The following TBL1XR1 variants were observed in gnomAD, a reference collection of about 807,000 sequenced individuals.
TBL1XR1 encodes F-box-like/WD repeat-containing protein TBL1XR1.
A neutral mutation model predicts 66.9 loss-of-function variants in TBL1XR1; 5 were observed. The ratio of observed to expected loss-of-function variants is 0.07; its 90% CI spans 0.04 to 0.16. The LOEUF is 0.16. Among genes scored for constraint, TBL1XR1 ranks in the 10% least tolerant of loss-of-function variants. The pLI is 1.00. For missense variants in TBL1XR1, 238 were observed against 623.2 expected (o/e 0.38, Z 6.58); for synonymous variants, 210 against 206.0 (o/e 1.02, Z -0.17).
chr3:177,192,676 T>C (rs1459637736), intron 1 of TBL1XR1, among the ~76,000 whole-genome samples: 6 of 152,118 alleles, frequency 3.9e-5, no homozygotes, highest in Admixed American at 2.0e-4. Context: ...CCTACTAAAA[T>C]AAATAACAAG....
chr3:177,195,336 A>G (rs1736692818), intron 1 of TBL1XR1, among the ~76,000 whole-genome samples: 3 of 151,598 alleles, frequency 2.0e-5, no homozygotes, highest in Admixed American at 2.0e-4. Context: ...TATTTCTAGA[A>G]CTCTCAACTA....
At chr3:177,051,200 G>A (rs982356781) in intron 5 of TBL1XR1, among the ~76,000 whole-genome samples, 6 of 152,062 alleles carry the variant, frequency 3.9e-5, no homozygotes, top group African/African-American at 9.7e-5. Flanking sequence ...ACAAGTTGGT[G>A]CAAGTTAACA....
At chr3:177,025,549 CA>C (rs1266869511) in intron 15 of TBL1XR1, 25 bp from the exon 16 acceptor site, 1 of 1,606,792 alleles carries the variant, frequency 6.2e-7, no homozygotes, top group South Asian at 1.1e-5. Flanking sequence ...AATAATCAAC[CA>C]GTGTATTCAG....
intron 1 of TBL1XR1, among the ~76,000 whole-genome samples, chr3:177,181,822 GAAAA>G (rs199618348): frequency 3.5e-5 from 3 of 86,582 alleles, no homozygotes; most frequent in Admixed American, 1.2e-4. Context: ...TTCAAGTTAG[GAAAA>G]AAAAAAAAAA....
At chr3:177,058,380 T>A (rs1461165292) in intron 3 of TBL1XR1, among the ~76,000 whole-genome samples, 1 of 152,202 alleles carries the variant, frequency 6.6e-6, no homozygotes, top group Admixed American at 6.5e-5. Flanking sequence ...GATCTAGTAC[T>A]GATACACTAG....
At chr3:177,135,342 T>TG (rs1560214092) in intron 1 of TBL1XR1, among the ~76,000 whole-genome samples, 10 of 12,852 alleles carry the variant, frequency 7.8e-4, no homozygotes, top group African/African-American at 3.5e-3. Flanking sequence ...TGTATACATA[T>TG]ATATATATAT....
chr3:177,043,777 C>T (rs1447310180), intron 10 of TBL1XR1, among the ~76,000 whole-genome samples: 2 of 152,070 alleles, frequency 1.3e-5, no homozygotes, highest in Non-Finnish European at 2.9e-5. Context: ...TTTCTACCTT[C>T]ATTTGGATTA....
intron 14 of TBL1XR1, chr3:177,032,765 AAAT>A: frequency 2.9e-6 from 1 of 344,598 alleles, no homozygotes; most frequent in Non-Finnish European, 5.1e-6. Context: ...ATACAATAAT[AAAT>A]AATAAAACAA....
At chr3:177,039,637 G>A (rs750612457) in intron 10 of TBL1XR1, among the ~76,000 whole-genome samples, 4 of 152,114 alleles carry the variant, frequency 2.6e-5, no homozygotes, top group East Asian at 1.9e-4. Flanking sequence ...AAAGATCTCC[G>A]TAATTAGCAA....
At chr3:177,067,834 G>C (rs1341939625) in intron 2 of TBL1XR1, among the ~76,000 whole-genome samples, 1 of 152,108 alleles carries the variant, frequency 6.6e-6, no homozygotes, top group Non-Finnish European at 1.5e-5. Flanking sequence ...GCAGAACTTA[G>C]AACTTGTCCA....
At position 177,192,318 on chromosome 3, in the gene TBL1XR1, G is replaced by A. The variant is rs1382553043; in HGVS notation, c.-122+4803C>T. 7.9e-5 allele frequency among the ~76,000 whole-genome samples: 12 copies of A among 151,678 alleles called. No homozygotes were observed. In the East Asian group the frequency reaches 1.2e-3, roughly 15 times the overall value. ...AATCGCTTGAACCCAGGAGGCGCGA[G>A]GTTGCAGTAAGAGGAGATCGCGCCA... On this transcript the variant is annotated intron_variant, in intron 1 of 15. Transcript: ENST00000457928.
chr3:177,080,086 A>C lies in TBL1XR1; in HGVS notation c.-45-15064T>G, dbSNP rs553334113. On this transcript the variant is annotated intron_variant, in intron 2 of 15. Transcript: ENST00000457928. ...AGTAAGGTTTAACTGTTAACACTGG[A>C]AACAGCAGTAGGGAACAAGGTTGAA... is the stretch of plus-strand genomic sequence containing the variant. 7 of 152,346 alleles carry C rather than the reference A, an allele frequency of 4.6e-5. 1 individual carries two copies. The South Asian group carries it at 1.0e-3, about 23-fold the overall frequency. 9.4% of individuals were successfully genotyped at this position (152,346 alleles called of 1,614,324 possible).
upstream of TBL1XR1, among the ~76,000 whole-genome samples, chr3:177,198,328 C>CT (rs1248078256): frequency 6.6e-6 from 1 of 152,110 alleles, no homozygotes; most frequent in Admixed American, 6.6e-5. Flanking sequence ...TCTGGTGGGT[C>CT]TGTTTGAAAG....
chr3:177,047,616 TTCA>T lies in TBL1XR1; in HGVS notation c.703-70_703-68del, dbSNP rs1343747118. 60 of 1,508,904 alleles carry T rather than the reference TTCA, an allele frequency of 4.0e-5. No individual in the cohort carries two copies. In the African/African-American group the frequency reaches 7.9e-4, roughly 20 times the overall value. 93.5% of individuals were successfully genotyped at this position (1,508,904 alleles called of 1,614,324 possible). ...CGGTATTTAATTGTTGTTAAAGTAT[TTCA>T]TGTTTAAATCCCAGGTACAGAAGAG... On this transcript the variant is annotated intron_variant, in intron 7 of 15. Transcript: ENST00000457928.
At position 177,062,994 on chromosome 3, in the gene TBL1XR1, C is replaced by A. The variant is rs575000119; in HGVS notation, c.58+1926G>T. ...TACTAAAAATACAAAATTAGCCAGG[C>A]ATGGTGGTGCATGCCTAGAATCCCA... is the stretch of plus-strand genomic sequence containing the variant. On this transcript the variant is annotated intron_variant, in intron 3 of 15. Transcript: ENST00000457928. Among the ~76,000 whole-genome samples the A allele has an allele frequency of 1.1e-3, 168 of 152,004 alleles. 1 individual carries two copies. The highest frequency in any genetic ancestry group is 1.9e-3 in the Non-Finnish European group (128 of 67,956).
At position 177,114,862 on chromosome 3, in the gene TBL1XR1, C is replaced by T. The variant is rs1189004729; in HGVS notation, c.-121-16321G>A. Among the ~76,000 whole-genome samples the T allele has an allele frequency of 3.3e-5, 5 of 151,688 alleles. No individual in the cohort carries two copies. In the South Asian group the frequency reaches 8.4e-4, roughly 25 times the overall value. On this transcript the variant is annotated intron_variant, in intron 1 of 15. Transcript: ENST00000457928. Reference sequence around the variant, plus strand: ...GGCAGGGTGGCATGCACTTGTAGTCCCAGCTACTTGGGAGGCTGAGGCAGG... The same window carrying T: ...GGCAGGGTGGCATGCACTTGTAGTCTCAGCTACTTGGGAGGCTGAGGCAGG...
At chr3:177,115,124 C>G (rs1011971159) in intron 1 of TBL1XR1, among the ~76,000 whole-genome samples, 1 of 152,034 alleles carries the variant, frequency 6.6e-6, no homozygotes, top group African/African-American at 2.4e-5. Context: ...GATCTTGGGC[C>G]CCCACCAGAG....
At chr3:177,074,411 C>T (rs966983032) in intron 2 of TBL1XR1, among the ~76,000 whole-genome samples, 1 of 152,204 alleles carries the variant, frequency 6.6e-6, no homozygotes, top group East Asian at 1.9e-4. Flanking sequence ...AACCTCTTTA[C>T]CAACAGGAAG....
intron 3 of TBL1XR1, among the ~76,000 whole-genome samples, chr3:177,061,441 G>A (rs1718505320): frequency 6.6e-6 from 1 of 152,182 alleles, no homozygotes; most frequent in Non-Finnish European, 1.5e-5. Flanking sequence ...CATAAAAAAA[G>A]TATTACTAAA....
Sources: allele counts gnomAD v4.1 joint callset (sites outside exome capture counted in the v4.1 genomes callset), GRCh38; gene constraint gnomAD v4.1.1; transcripts MANE v1.5; gene names NCBI Gene and HGNC (gene_info 2026-07-23, HGNC 2026-07-21).